The following SERINC5 variants were observed in gnomAD, a reference collection of about 807,000 sequenced individuals.
SERINC5 encodes serine incorporator 5.
SERINC5 carries 41 observed loss-of-function variants against 63.1 expected under a neutral mutation model. The ratio of observed to expected loss-of-function variants is 0.65; its 90% CI spans 0.51 to 0.84. SERINC5 has a LOEUF of 0.84. SERINC5 is among the 40% of genes least tolerant of loss of function. The probability of loss-of-function intolerance (pLI) is 0.00; values close to 1 mark genes in which losing one functional copy is unlikely to be tolerated. For synonymous variants in SERINC5, 222 were observed against 215.2 expected (o/e 1.03, Z -0.28); for missense variants, 523 against 573.0 (o/e 0.91, Z 0.89).
Position 80,177,327 on chromosome 5 carries a change from T to A in SERINC5, c.445A>T (p.Thr149Ser). 1 of 1,611,904 alleles carries A rather than the reference T, an allele frequency of 6.2e-7. No homozygotes were observed. The highest frequency in any genetic ancestry group is 8.5e-7 in the Non-Finnish European group (1 of 1,178,080). ...ACCCCATTAGTACCGTTCAGAAAGGTGTCCTGATCTGGAATGAAGAAAGCT... is the reference window on the plus strand; with the variant it reads ...ACCCCATTAGTACCGTTCAGAAAGGAGTCCTGATCTGGAATGAAGAAAGCT... The part of the protein sequence containing the change: ...SGAFFIPDQD[T>S]FLNAWRYVGA... The change falls in exon 4 of 12, where the codon ACC (threonine) becomes TCC (serine). Residue 149 changes from threonine (T) to serine (S), a missense_variant. Thr to Ser is a moderately conservative substitution (Grantham distance 58, BLOSUM62 1). Coordinates refer to ENST00000507668, the MANE Select transcript of SERINC5 (RefSeq NM_001174072.3).
rs562837449 is a variant in SERINC5 at position 80,237,965 on chromosome 5, G to A, written c.27+17931C>T. On this transcript the variant is annotated intron_variant, in intron 1 of 11. Transcript: ENST00000507668. Reference sequence around the variant, plus strand: ...TAAAAATACAAAAAATTAGCTGGGCGTGGTGGCGCGCGCCTGTAGTCCCAG... The same window carrying A: ...TAAAAATACAAAAAATTAGCTGGGCATGGTGGCGCGCGCCTGTAGTCCCAG... Among the ~76,000 whole-genome samples, 22 of 151,726 alleles carry A rather than the reference G, an allele frequency of 1.4e-4. No individual in the cohort carries two copies. In the East Asian group the frequency reaches 2.0e-3, roughly 14 times the overall value.
chr5:80,251,154 C>G (rs1016804805), intron 1 of SERINC5, among the ~76,000 whole-genome samples: 1 of 152,140 alleles, frequency 6.6e-6, no homozygotes, highest in Non-Finnish European at 1.5e-5. Flanking sequence ...TAGAACGCAC[C>G]TGTAGTCCCA....
chr5:80,134,278 G>C (rs915609177), downstream of SERINC5, among the ~76,000 whole-genome samples: 1 of 152,174 alleles, frequency 6.6e-6, no homozygotes, highest in African/African-American at 2.4e-5. Flanking sequence ...TTGAGATCAG[G>C]AGTTCGAGAC....
At chr5:80,166,332 G>T in intron 7 of SERINC5, 51 bp downstream of exon 7, 2 of 1,204,188 alleles carry the variant, frequency 1.7e-6, no homozygotes, top group South Asian at 1.3e-5. Flanking sequence ...ATTCCTCCAT[G>T]AATGAAAATA....
chr5:80,142,117 G>C lies in SERINC5; in HGVS notation c.*1546C>G. 8 of 985,398 alleles carry C rather than the reference G, an allele frequency of 8.1e-6. No homozygotes were observed. The highest frequency in any genetic ancestry group is 9.6e-6 in the Non-Finnish European group (8 of 829,928). The allele number at this position is 985,398 out of a possible 1,614,324, so 61.0% of individuals were successfully genotyped here. On this transcript the variant is annotated 3_prime_UTR_variant, in exon 12 of 12. Transcript: ENST00000507668. ...TTTTATTCTTAGATCCTCACTTACA[G>C]AGAGCTCGAGAAGATTCTTTCCACC...
chr5:80,189,457 C>G (rs1318968928), intron 2 of SERINC5, among the ~76,000 whole-genome samples: 1 of 152,226 alleles, frequency 6.6e-6, no homozygotes, highest in Non-Finnish European at 1.5e-5. Context: ...AAAACCACAG[C>G]TACGGAGGTC....
intron 11 of SERINC5, among the ~76,000 whole-genome samples, chr5:80,129,482 A>AT (rs974478222): frequency 3.9e-5 from 6 of 152,060 alleles, no homozygotes; most frequent in Admixed American, 1.3e-4. Flanking sequence ...TTTTAAAACA[A>AT]TTTTTTTGTA....
chr5:80,181,416 T>TGTGTGTGTGTGTGTGTGTGTGTGTG (rs1580124918), intron 2 of SERINC5, among the ~76,000 whole-genome samples: 4,239 of 145,332 alleles, frequency 0.029, 187 homozygotes, highest in East Asian at 0.12. Context: ...TCAGCTAATT[T>TGTGTGTGTGTGTGTGTGTGTGTGTG]TGTGTGTGTG....
At chr5:80,184,428 G>A (rs144486281) in intron 2 of SERINC5, among the ~76,000 whole-genome samples, 251 of 152,240 alleles carry the variant, frequency 1.6e-3, no homozygotes, top group Middle Eastern at 3.4e-3. Context: ...GCAGCAGGCT[G>A]AGCCACCATC....
intron 1 of SERINC5, among the ~76,000 whole-genome samples, chr5:80,244,995 T>G (rs1386929011): frequency 1.3e-5 from 2 of 152,144 alleles, no homozygotes; most frequent in African/African-American, 4.8e-5. Context: ...ATCTTCGATC[T>G]TCCTCTCTCA....
chr5:80,150,546 G>A (rs914331810), intron 9 of SERINC5, among the ~76,000 whole-genome samples: 5 of 151,940 alleles, frequency 3.3e-5, no homozygotes, highest in Non-Finnish European at 7.4e-5. Context: ...AGTGATTCTC[G>A]CGTCTCAGCC....
intron 2 of SERINC5, among the ~76,000 whole-genome samples, chr5:80,193,823 C>A (rs182168048): frequency 6.6e-6 from 1 of 152,300 alleles, no homozygotes; most frequent in East Asian, 1.9e-4. Flanking sequence ...ACAGGGACTC[C>A]TTGCTTTCTC....
chr5:80,223,285 T>C (rs1199944336), intron 1 of SERINC5, among the ~76,000 whole-genome samples: 1 of 152,226 alleles, frequency 6.6e-6, no homozygotes, highest in Admixed American at 6.6e-5. Flanking sequence ...CTCAAGTCCC[T>C]GATATAAAAT....
At chr5:80,229,184 C>T (rs763188087) in intron 1 of SERINC5, among the ~76,000 whole-genome samples, 31 of 151,536 alleles carry the variant, frequency 2.0e-4, no homozygotes, top group Middle Eastern at 3.4e-3. Context: ...CCACCACGCC[C>T]GGCTAATTTT....
intron 1 of SERINC5, among the ~76,000 whole-genome samples, chr5:80,223,127 GA>G (rs1045586071): frequency 8.5e-5 from 13 of 152,196 alleles, no homozygotes; most frequent in Non-Finnish European, 1.5e-4. Context: ...CAGGTGCTGG[GA>G]TTACAGGCAT....
chr5:80,246,310 A>G (rs1212090026), intron 1 of SERINC5, among the ~76,000 whole-genome samples: 3 of 152,236 alleles, frequency 2.0e-5, no homozygotes, highest in East Asian at 1.9e-4. Flanking sequence ...AAAAAAATGG[A>G]AAAGGCATTC....
intron 6 of SERINC5, among the ~76,000 whole-genome samples, chr5:80,167,846 C>T (rs747509042): frequency 9.9e-5 from 15 of 152,086 alleles, no homozygotes; most frequent in Non-Finnish European, 1.5e-4. Flanking sequence ...GACCACTTGC[C>T]GACATAAAAG....
chr5:80,243,109 G>C (rs35949465), intron 1 of SERINC5, among the ~76,000 whole-genome samples: 75,795 of 152,074 alleles, frequency 0.5, 19,186 homozygotes, highest in Middle Eastern at 0.58. Context: ...AGGACCTAGA[G>C]AGAACCCCTG....
At chr5:80,148,378 C>T (rs1444126794) in intron 9 of SERINC5, among the ~76,000 whole-genome samples, 7 of 151,338 alleles carry the variant, frequency 4.6e-5, no homozygotes, top group East Asian at 1.9e-4. Flanking sequence ...TTAGTAGAGA[C>T]GGGGTTTTTC....
Sources: allele counts gnomAD v4.1 joint callset (sites outside exome capture counted in the v4.1 genomes callset), GRCh38; gene constraint gnomAD v4.1.1; transcripts MANE v1.5; gene names NCBI Gene and HGNC (gene_info 2026-07-23, HGNC 2026-07-21).